MTA3: variants seen among roughly 807,000 people sequenced by gnomAD.
MTA3 encodes the protein metastasis associated 1 family member 3.
A neutral mutation model predicts 83.5 loss-of-function variants in MTA3; 34 were observed. The observed-to-expected ratio is 0.41, with a 90% CI of 0.31 to 0.54. MTA3 has a LOEUF of 0.54. MTA3 is among the 20% of genes least tolerant of loss of function. The pLI, the probability that MTA3 is intolerant of heterozygous loss-of-function variation, is 0.33. For synonymous variants in MTA3, 303 were observed against 252.7 expected, an observed-to-expected ratio of 1.20 and a Z score of -1.89; for missense variants, 761 against 726.4, an observed-to-expected ratio of 1.05 and a Z score of -0.55.
intron 2 of MTA3, among the ~76,000 whole-genome samples, chr2:42,576,830 G>A (rs1422513226): frequency 6.6e-6 from 1 of 152,156 alleles, no homozygotes. Flanking sequence ...CCATGAGGCG[G>A]AAGTTGCAGT....
intron 8 of MTA3, among the ~76,000 whole-genome samples, chr2:42,667,479 T>A (rs1214987691): frequency 6.6e-6 from 1 of 152,082 alleles, no homozygotes; most frequent in Non-Finnish European, 1.5e-5. Context: ...CAGTATCTCA[T>A]AAGTTTTTCG....
At chr2:42,629,640 A>G (rs6758688) in intron 4 of MTA3, among the ~76,000 whole-genome samples, 115,234 of 151,858 alleles carry the variant, frequency 0.76, 44,144 homozygotes, top group South Asian at 0.88. Flanking sequence ...TTTTGGAGTG[A>G]GCCGAAGTTT....
rs1351620072 is a variant in MTA3, at chr2:42,753,414, A to G, written c.*15A>G. The G allele has an allele frequency of 1.3e-6, 2 of 1,550,416 alleles. No homozygotes were observed. Among genetic ancestry groups the G allele is most frequent in the African/African-American group, 2.7e-5 (2 of 73,028 alleles). On this transcript the variant is annotated 3_prime_UTR_variant, in exon 17 of 17. Transcript: ENST00000405094. ...TGTCAGACTGAGCTTTCCCTGATTC[A>G]TTCTACAATCCAAGACTTGCTGCAC...
chr2:42,554,689 T>A (rs1677294514), intron 2 of MTA3, among the ~76,000 whole-genome samples: 1 of 152,162 alleles, frequency 6.6e-6, no homozygotes, highest in African/African-American at 2.4e-5. Context: ...TCCTCTTTCC[T>A]CAAATCTGGA....
intron 4 of MTA3, among the ~76,000 whole-genome samples, chr2:42,638,573 T>C (rs1687404457): frequency 6.6e-6 from 1 of 151,980 alleles, no homozygotes. Flanking sequence ...GATCTTGCTG[T>C]GTAGCCTGGT....
At chr2:42,690,285 A>G (rs1051111549) in intron 9 of MTA3, among the ~76,000 whole-genome samples, 5 of 152,198 alleles carry the variant, frequency 3.3e-5, no homozygotes, top group East Asian at 1.9e-4. Flanking sequence ...AAACTCTGCT[A>G]TTACTTAAAA....
At chr2:42,593,537 A>G (rs183131940) in intron 3 of MTA3, among the ~76,000 whole-genome samples, 4 of 152,218 alleles carry the variant, frequency 2.6e-5, no homozygotes, top group African/African-American at 7.2e-5. Flanking sequence ...TATTACCGCT[A>G]TAGTGTCACT....
chr2:42,670,174 G>A (rs952700274), intron 8 of MTA3, among the ~76,000 whole-genome samples: 5 of 151,906 alleles, frequency 3.3e-5, no homozygotes, highest in African/African-American at 4.8e-5. Flanking sequence ...CAGAAGAATC[G>A]CTTGAACCCA....
intron 2 of MTA3, among the ~76,000 whole-genome samples, chr2:42,509,971 GAGA>G (rs1470499243): frequency 2.6e-5 from 4 of 152,060 alleles, no homozygotes; most frequent in Admixed American, 2.6e-4. Context: ...CATTCTGGTA[GAGA>G]AGGTCTTGGC....
At chr2:42,729,148 C>A (rs960584286) in intron 16 of MTA3, among the ~76,000 whole-genome samples, 5 of 117,866 alleles carry the variant, frequency 4.2e-5, no homozygotes, top group African/African-American at 1.6e-4. Flanking sequence ...GGCTGGAGTG[C>A]AGTGGCACAA....
intron 4 of MTA3, among the ~76,000 whole-genome samples, chr2:42,617,953 A>G (rs558178312): frequency 4.5e-4 from 68 of 152,050 alleles, no homozygotes; most frequent in African/African-American, 1.4e-3. Flanking sequence ...AAAAAAAAAA[A>G]ATTTAAATAG....
intron 6 of MTA3, among the ~76,000 whole-genome samples, chr2:42,649,365 A>T (rs1292449884): frequency 6.6e-6 from 1 of 151,746 alleles, no homozygotes; most frequent in East Asian, 1.9e-4. Context: ...GTGAGCCAAG[A>T]TCGTACCACT....
intron 16 of MTA3, among the ~76,000 whole-genome samples, chr2:42,735,562 C>T (rs1447474202): frequency 1.3e-5 from 2 of 152,098 alleles, no homozygotes; most frequent in Non-Finnish European, 2.9e-5. Flanking sequence ...TACAATCTGT[C>T]CCTCTACTTC....
At chr2:42,538,687 G>A (rs1321711197) in intron 2 of MTA3, among the ~76,000 whole-genome samples, 1 of 132,584 alleles carries the variant, frequency 7.5e-6, no homozygotes, top group African/African-American at 2.9e-5. Context: ...CAGCCTGGGC[G>A]ACAGAATATG....
intron 4 of MTA3, among the ~76,000 whole-genome samples, chr2:42,637,710 T>C (rs1219274354): frequency 1.3e-5 from 2 of 152,184 alleles, no homozygotes; most frequent in Non-Finnish European, 2.9e-5. Flanking sequence ...TAAAGAAAAA[T>C]TTAAAACTTA....
chr2:42,595,913 A>T (rs1239585322), intron 3 of MTA3, among the ~76,000 whole-genome samples: 1 of 152,202 alleles, frequency 6.6e-6, no homozygotes, highest in South Asian at 2.1e-4. Flanking sequence ...TCCATCTTAC[A>T]TTATATATGT....
intron 4 of MTA3, among the ~76,000 whole-genome samples, chr2:42,625,607 C>T (rs981554327): frequency 6.7e-6 from 1 of 150,122 alleles, no homozygotes; most frequent in Middle Eastern, 3.4e-3. Context: ...ATTAGCTGGG[C>T]GTGGTGGCAG....
At chr2:42,690,227 A>G (rs918575502) in intron 9 of MTA3, among the ~76,000 whole-genome samples, 5 of 152,232 alleles carry the variant, frequency 3.3e-5, no homozygotes, top group Non-Finnish European at 5.9e-5. Context: ...CTTTCTTCCA[A>G]TATAAGCACT....
At chr2:42,504,301 G>A (rs182865944) in intron 2 of MTA3, among the ~76,000 whole-genome samples, 3 of 151,056 alleles carry the variant, frequency 2.0e-5, no homozygotes, top group Admixed American at 2.0e-4. Flanking sequence ...GTCTAGTGGC[G>A]TGATCTTGGC....
Sources: gnomAD v4.1 joint callset for allele counts (sites outside exome capture counted in the v4.1 genomes callset) on GRCh38, gnomAD v4.1.1 for gene constraint, MANE v1.5 for transcripts, NCBI Gene and HGNC (gene_info 2026-07-23, HGNC 2026-07-21) for gene names.